SLF2: variants seen among roughly 807,000 people sequenced by gnomAD.
The protein encoded by SLF2 is SMC5-SMC6 complex localization factor protein 2.
Under a neutral mutation model 124.3 loss-of-function variants are expected in SLF2, and 68 were observed. That is an observed-to-expected ratio of 0.55 (90% confidence interval 0.45 to 0.67). The LOEUF (loss-of-function observed/expected upper bound fraction) is 0.67. Among genes scored for constraint, SLF2 ranks in the 30% least tolerant of loss-of-function variants. The probability of loss-of-function intolerance (pLI) is 0.00; values close to 1 mark genes in which losing one functional copy is unlikely to be tolerated. For missense variants in SLF2, 1,246 were observed against 1,373.7 expected (o/e 0.91, Z 1.47); for synonymous variants, 480 against 478.8 (o/e 1.00, Z -0.03).
At chr10:100,950,053 A>T (rs766081847) in intron 15 of SLF2, 23 bp from the exon 16 acceptor site, 9 of 1,544,354 alleles carry the variant, frequency 5.8e-6, no homozygotes, top group Admixed American at 1.9e-5. Flanking sequence ...GCTTTGTTCA[A>T]TGTCTCCTCT....
chr10:100,931,228 CAATATA>C, intron 9 of SLF2, 150 bp downstream of exon 9: 1 of 639,080 alleles, frequency 1.6e-6, no homozygotes, highest in Admixed American at 3.0e-5. Flanking sequence ...CAAAAAGAGT[CAATATA>C]AAGAGATTAT....
chr10:100,916,070 T>G (rs1433220943), intron 2 of SLF2, 28 bp downstream of exon 2: 4 of 1,587,172 alleles, frequency 2.5e-6, no homozygotes, highest in Non-Finnish European at 3.5e-6. Context: ...GCATTTTTTG[T>G]GGGCTATTTT....
chr10:100,956,916 C>G, intron 18 of SLF2, among the ~76,000 whole-genome samples: 1 of 152,132 alleles, frequency 6.6e-6, no homozygotes, highest in East Asian at 1.9e-4. Context: ...TAGAGTAGGA[C>G]TCTGTCTCGA....
At chr10:100,959,379 G>A (rs761008701) in intron 18 of SLF2, 49 bp from the exon 19 acceptor site, 3 of 1,543,962 alleles carry the variant, frequency 1.9e-6, no homozygotes, top group Non-Finnish European at 2.6e-6. Context: ...CTGATTGTAG[G>A]TGAGAATGTT....
rs376244648 is a variant in SLF2 at position 100,961,650 on chromosome 10, A to G, written c.3487-227A>G. Among the ~76,000 whole-genome samples the G allele has an allele frequency of 2.6e-5, 4 of 152,306 alleles. No homozygotes were observed. The East Asian group carries it at 7.7e-4, about 29-fold the overall frequency. On this transcript the variant is annotated intron_variant, in intron 19 of 19. Transcript: ENST00000238961. ...CTTAACTAAGCCCCTCCATGTGTGC[A>G]GTGGTGAGAAAAACATCCTGCACTT...
In SLF2 at chr10:100,924,258, T is replaced by C. The variant is rs769859129; in HGVS notation, c.1257T>C (p.Ser419=). ...PSNSGNSGHH[S]TRNSDQIQVA... ...ATTCTGGCAATTCTGGCCACCATTC[T>C]ACCAGGAATAGTGACCAAATCCAAG... Residue 419 remains serine, a synonymous_variant, in exon 5 of 20, where the codon TCT becomes TCC. Transcript: ENST00000238961. The C allele has an allele frequency of 6.8e-6, 11 of 1,614,164 alleles. No homozygotes were observed. In the South Asian group the frequency reaches 1.1e-4, roughly 16 times the overall value.
At chr10:100,950,929 T>C (rs1850199035) in intron 17 of SLF2, among the ~76,000 whole-genome samples, 176 bp downstream of exon 17, 1 of 151,980 alleles carries the variant, frequency 6.6e-6, no homozygotes, top group Admixed American at 6.6e-5. Context: ...ATAATGGTCT[T>C]GTAACTATAT....
chr10:100,957,499 C>A (rs562346930), intron 18 of SLF2, among the ~76,000 whole-genome samples: 1 of 151,154 alleles, frequency 6.6e-6, no homozygotes, highest in Non-Finnish European at 1.5e-5. Context: ...TACAGGCGCC[C>A]GCTACCATGC....
At chr10:100,929,760 C>G in intron 7 of SLF2, 70 bp from the exon 8 acceptor site, 1 of 1,227,738 alleles carries the variant, frequency 8.1e-7, no homozygotes, top group South Asian at 1.6e-5. Flanking sequence ...TTTCTTTGCA[C>G]CCAGCTTTTA....
Position 100,938,577 on chromosome 10 carries a change from T to C in SLF2, c.2513-18T>C. 2 of 1,599,768 alleles carry C rather than the reference T, an allele frequency of 1.3e-6. No individual in the cohort carries two copies. Among genetic ancestry groups the C allele is most frequent in the Non-Finnish European group, 1.7e-6 (2 of 1,175,116 alleles). ...TAGACCACAGATTTAGAATGAAATGTTTTCTTCTGTTAATTAGATACCTTC... is the reference window on the plus strand; with the variant it reads ...TAGACCACAGATTTAGAATGAAATGCTTTCTTCTGTTAATTAGATACCTTC... On this transcript the variant is annotated intron_variant, in intron 10 of 19. Coordinates refer to ENST00000238961, the MANE Select transcript of SLF2 (RefSeq NM_018121.4).
At chr10:100,943,956 C>A in intron 11 of SLF2, 70 bp from the exon 12 acceptor site, 1 of 935,362 alleles carries the variant, frequency 1.1e-6, no homozygotes, top group Non-Finnish European at 1.6e-6. Flanking sequence ...TAAAAAGTAG[C>A]CCAGAATTTC....
At chr10:100,961,302 G>A (rs567311016) in intron 19 of SLF2, among the ~76,000 whole-genome samples, 42 of 152,170 alleles carry the variant, frequency 2.8e-4, no homozygotes, top group Non-Finnish European at 5.0e-4. Flanking sequence ...GAGCCACCGC[G>A]CCTGGCTGAT....
At chr10:100,942,203 G>C (rs952637350) in intron 11 of SLF2, among the ~76,000 whole-genome samples, 1 of 151,938 alleles carries the variant, frequency 6.6e-6, no homozygotes, top group Non-Finnish European at 1.5e-5. Flanking sequence ...ACAGGTTAAG[G>C]ACTCAATCCC....
chr10:100,949,523 C>T (rs1043044822), intron 15 of SLF2, among the ~76,000 whole-genome samples: 1 of 152,102 alleles, frequency 6.6e-6, no homozygotes, highest in Non-Finnish European at 1.5e-5. Context: ...TTCCCTGTGG[C>T]CTCTATGATA....
Position 100,939,128 on chromosome 10 carries a change from C to T in SLF2, c.2654+392C>T, listed in dbSNP as rs528271465. ...AGAAGCCTAAGACTCAGGTGAAAAACTATGACAAATAACTAAGAAAATTTG... is the reference window on the plus strand; with the variant it reads ...AGAAGCCTAAGACTCAGGTGAAAAATTATGACAAATAACTAAGAAAATTTG... On this transcript the variant is annotated intron_variant, in intron 11 of 19. Coordinates refer to ENST00000238961, the MANE Select transcript of SLF2 (RefSeq NM_018121.4). Among the ~76,000 whole-genome samples, 10 of 152,266 alleles carry T rather than the reference C, an allele frequency of 6.6e-5. No individual in the cohort carries two copies. The South Asian group carries it at 2.1e-3, about 32-fold the overall frequency.
chr10:100,957,517 ATTTT>A (rs753366819), intron 18 of SLF2, among the ~76,000 whole-genome samples: 1 of 140,614 alleles, frequency 7.1e-6, no homozygotes, highest in Non-Finnish European at 1.6e-5. Context: ...TGCCCGGCAA[ATTTT>A]TTTTTTTTTT....
chr10:100,924,272 A>T lies in SLF2; in HGVS notation c.1271A>T (p.Asp424Val). Reference protein sequence around the residue: ...NSGHHSTRNSDQIQVAGTKET... With the variant: ...NSGHHSTRNSVQIQVAGTKET... ...GGCCACCATTCTACCAGGAATAGTG[A>T]CCAAATCCAAGTGGCAGGTACCAAG... The change falls in exon 5 of 20, where the codon GAC becomes GTC. Residue 424 changes from aspartate (D) to valine (V), a missense_variant. Asp to Val is a radical substitution (Grantham distance 152, BLOSUM62 -3). This residue lies in a region of SLF2 where 698 missense variants were observed against 708.9 expected (regional missense o/e 0.98). Coordinates refer to ENST00000238961, the MANE Select transcript of SLF2 (RefSeq NM_018121.4). The T allele has an allele frequency of 6.2e-7, 1 of 1,614,186 alleles. No individual in the cohort carries two copies. The highest frequency in any genetic ancestry group is 8.5e-7 in the Non-Finnish European group (1 of 1,180,026).
At chr10:100,948,031 T>TA (rs1369793779) in intron 15 of SLF2, among the ~76,000 whole-genome samples, 184 bp downstream of exon 15, 4 of 152,206 alleles carry the variant, frequency 2.6e-5, no homozygotes, top group African/African-American at 9.6e-5. Context: ...GAAATGGAGA[T>TA]AATATTGCAC....
rs539069675 is a variant in SLF2, at chr10:100,913,030, C to T, written c.-81C>T. On this transcript the variant is annotated 5_prime_UTR_variant, in exon 1 of 20. Coordinates refer to ENST00000238961, the MANE Select transcript of SLF2 (RefSeq NM_018121.4). ...GCCCACCTCTGCTCCGACAGCCTCC[C>T]GGAGTCCCAGCAGCAAGACGGCAAC... The T allele has an allele frequency of 6.7e-7, 1 of 1,503,214 alleles. No individual in the cohort carries two copies. The highest frequency in any genetic ancestry group is 1.4e-5 in the African/African-American group (1 of 72,458). 93.1% of individuals were successfully genotyped at this position (1,503,214 alleles called of 1,614,324 possible).
Sources: gnomAD v4.1 joint callset for allele counts (sites outside exome capture counted in the v4.1 genomes callset) on GRCh38, gnomAD v4.1.1 for gene constraint, gnomAD v4.1.1 regional missense constraint, MANE v1.5 for transcripts, NCBI Gene and HGNC (gene_info 2026-07-23, HGNC 2026-07-21) for gene names.